GPR137B: variants seen among roughly 807,000 people sequenced by gnomAD.
The protein encoded by GPR137B is G protein-coupled receptor 137B, also known as integral membrane protein GPR137B.
GPR137B carries 42 observed loss-of-function variants against 42.5 expected under a neutral mutation model. The observed-to-expected ratio is 0.99, with a 90% CI of 0.77 to 1.28. The LOEUF (loss-of-function observed/expected upper bound fraction) is 1.28, where lower values mean the gene tolerates loss of function less well. Ranked by LOEUF, GPR137B falls within the 50% of genes most tolerant of loss-of-function variation. The pLI is 0.00. For missense variants in GPR137B, 487 were observed against 493.9 expected (o/e 0.99, Z 0.13); for synonymous variants, 218 against 209.7 (o/e 1.04, Z -0.34).
At chr1:236,189,494 T>G (rs1439633649) in intron 5 of GPR137B, among the ~76,000 whole-genome samples, 1 of 152,216 alleles carries the variant, frequency 6.6e-6, no homozygotes, top group Non-Finnish European at 1.5e-5. Flanking sequence ...TTTAAATGTG[T>G]CCCAGAGATT....
chr1:236,172,117 A>G (rs1209628120), intron 2 of GPR137B, among the ~76,000 whole-genome samples: 6 of 152,100 alleles, frequency 3.9e-5, no homozygotes, highest in Non-Finnish European at 5.9e-5. Flanking sequence ...TGAGGTTTCA[A>G]TGGGACATGC....
intron 1 of GPR137B, among the ~76,000 whole-genome samples, chr1:236,159,634 A>G (rs944990006): frequency 3.9e-5 from 6 of 151,912 alleles, no homozygotes; most frequent in Middle Eastern, 3.4e-3. Flanking sequence ...AAAAGAAAAG[A>G]AAAAAAATAG....
chr1:236,176,246 T>C (rs1662681414), intron 2 of GPR137B, among the ~76,000 whole-genome samples: 1 of 152,112 alleles, frequency 6.6e-6, no homozygotes, highest in African/African-American at 2.4e-5. Flanking sequence ...AACGTTTCTG[T>C]TTGAAAAGCT....
At chr1:236,151,572 C>G (rs188887512) in intron 1 of GPR137B, among the ~76,000 whole-genome samples, 1 of 151,852 alleles carries the variant, frequency 6.6e-6, no homozygotes, top group Admixed American at 6.6e-5. Flanking sequence ...TACAGGTGCC[C>G]GCCACCATGC....
In GPR137B at chr1:236,208,759, C is replaced by T. The variant is rs943623167; in HGVS notation, c.*601C>T. 1.6e-5 allele frequency: 16 copies of T among 985,058 alleles called. No homozygotes were observed. The highest frequency in any genetic ancestry group is 3.6e-6 in the Non-Finnish European group (3 of 829,832). 61.0% of individuals were successfully genotyped at this position (985,058 alleles called of 1,614,324 possible). A position where few individuals can be genotyped will look rare whatever the true frequency, so the allele number is the denominator to read the frequency against. On this transcript the variant is annotated 3_prime_UTR_variant, in exon 7 of 7. Coordinates refer to ENST00000366592, the MANE Select transcript of GPR137B (RefSeq NM_003272.4). ...AGAGATTTTTTTTTTAAGGTTCAGG[C>T]CGTAGGTTCCTCAAGGAATCTCTTA...
intron 1 of GPR137B, among the ~76,000 whole-genome samples, chr1:236,151,092 C>T (rs561868571): frequency 5.9e-5 from 9 of 152,168 alleles, no homozygotes; most frequent in Non-Finnish European, 1.3e-4. Flanking sequence ...GTTGGCCTTG[C>T]GTTTCCAGTG....
chr1:236,165,636 A>AGCG (rs1329544449), intron 1 of GPR137B, among the ~76,000 whole-genome samples: 1 of 152,228 alleles, frequency 6.6e-6, no homozygotes, highest in Non-Finnish European at 1.5e-5. Flanking sequence ...TTGGTTCCAT[A>AGCG]GCGCAGTGCT....
At chr1:236,172,459 T>A (rs1662565089) in intron 2 of GPR137B, among the ~76,000 whole-genome samples, 1 of 152,246 alleles carries the variant, frequency 6.6e-6, no homozygotes, top group Non-Finnish European at 1.5e-5. Flanking sequence ...CAAGAACCAC[T>A]TTATTTTTCA....
intron 1 of GPR137B, among the ~76,000 whole-genome samples, chr1:236,164,074 C>T (rs919945134): frequency 1.3e-5 from 2 of 152,062 alleles, no homozygotes; most frequent in Non-Finnish European, 2.9e-5. Context: ...CATGCCTCCC[C>T]ACACCTCTCA....
chr1:236,173,501 C>G (rs10924510), intron 2 of GPR137B, among the ~76,000 whole-genome samples: 20,311 of 151,882 alleles, frequency 0.13, 1,912 homozygotes, highest in East Asian at 0.26. Flanking sequence ...TGCTTTACCC[C>G]TTGCTTCTGT....
chr1:236,161,633 G>A (rs1457111017), intron 1 of GPR137B, among the ~76,000 whole-genome samples: 1 of 152,124 alleles, frequency 6.6e-6, no homozygotes, highest in Non-Finnish European at 1.5e-5. Flanking sequence ...TTGTGGGAGG[G>A]ACCCACAGGG....
intron 5 of GPR137B, among the ~76,000 whole-genome samples, chr1:236,189,360 CT>C (rs755451338): frequency 1.3e-4 from 20 of 152,150 alleles, no homozygotes; most frequent in South Asian, 6.2e-4. Flanking sequence ...CTTCTGCTAG[CT>C]TTTGAATTTG....
chr1:236,196,547 T>G (rs1033343729), intron 5 of GPR137B, among the ~76,000 whole-genome samples: 3 of 152,236 alleles, frequency 2.0e-5, no homozygotes, highest in African/African-American at 7.2e-5. Context: ...GCTGAGATTT[T>G]GGTGCACCCA....
intron 5 of GPR137B, among the ~76,000 whole-genome samples, chr1:236,193,310 A>G (rs778544113): frequency 3.3e-5 from 5 of 152,234 alleles, no homozygotes; most frequent in African/African-American, 7.2e-5. Flanking sequence ...CCATTTGGCT[A>G]TGATGAATAA....
At position 236,145,647 on chromosome 1, in the gene GPR137B, G is replaced by A. The variant is rs148839251; in HGVS notation, c.414+2611G>A. Among the ~76,000 whole-genome samples the A allele has an allele frequency of 2.4e-3, 358 of 152,124 alleles. 15 individuals are homozygous for A. In the East Asian group the frequency reaches 0.059, roughly 25 times the overall value. ...GCTGGGATTACAGGTGTGAGCCACC[G>A]CACCCGGCCAAGAAAGCACACTTCT... On this transcript the variant is annotated intron_variant, in intron 1 of 6. Transcript: ENST00000366592.
chr1:236,207,925 A>G (rs1663708833), intron 6 of GPR137B, 125 bp from the exon 7 acceptor site: 1 of 670,700 alleles, frequency 1.5e-6, no homozygotes, highest in Admixed American at 2.8e-5. Flanking sequence ...TTTAAGAGCC[A>G]TTTAAAAGAA....
intron 2 of GPR137B, among the ~76,000 whole-genome samples, chr1:236,175,191 CTT>C (rs1349929961): frequency 6.6e-6 from 1 of 152,066 alleles, no homozygotes; most frequent in Non-Finnish European, 1.5e-5. Context: ...GATGCTGTCT[CTT>C]AAAAAATACA....
At chr1:236,160,234 A>T (rs1662148353) in intron 1 of GPR137B, among the ~76,000 whole-genome samples, 1 of 152,084 alleles carries the variant, frequency 6.6e-6, no homozygotes, top group Non-Finnish European at 1.5e-5. Flanking sequence ...TTCTTGCCAC[A>T]ACGGGGGAAG....
At chr1:236,202,287 G>A (rs780602595) in intron 5 of GPR137B, among the ~76,000 whole-genome samples, 12 of 152,104 alleles carry the variant, frequency 7.9e-5, no homozygotes, top group Non-Finnish European at 1.3e-4. Flanking sequence ...CAGGATGTTG[G>A]AGGCAGTAGA....
Sources: gnomAD v4.1 joint callset for allele counts (sites outside exome capture counted in the v4.1 genomes callset) on GRCh38, gnomAD v4.1.1 for gene constraint, MANE v1.5 for transcripts, NCBI Gene and HGNC (gene_info 2026-07-23, HGNC 2026-07-21) for gene names.